Variants in KLF8 observed in about 807,000 individuals in gnomAD.
The protein encoded by KLF8 is Krueppel-like factor 8.
A neutral mutation model predicts 18.2 loss-of-function variants in KLF8; 10 were observed. The ratio of observed to expected loss-of-function variants is 0.55; its 90% confidence interval spans 0.34 to 0.93. The LOEUF is 0.93. Ranked by LOEUF, KLF8 falls within the 40% of genes least tolerant of loss-of-function variation. KLF8 has a pLI of 0.02. For synonymous variants in KLF8, 109 were observed against 97.3 expected (o/e 1.12, Z -0.71); for missense variants, 264 against 277.9 (o/e 0.95, Z 0.36).
chrX:56,073,996 C>A, the KLF8 span, among the ~76,000 whole-genome samples: 3 of 111,726 alleles, frequency 2.7e-5, no homozygotes, highest in African/African-American at 9.8e-5. Context: ...GGTTTGCCCA[C>A]CTTGGCCTCC....
At chrX:56,241,815 T>A (rs2066548416) in intron 1 of KLF8, among the ~76,000 whole-genome samples, 1 of 112,233 alleles carries the variant, frequency 8.9e-6, no homozygotes, top group Non-Finnish European at 1.9e-5. Flanking sequence ...CATATAAGAT[T>A]AATTATTGTC....
At chrX:56,201,725 G>A in the KLF8 span, among the ~76,000 whole-genome samples, 1 of 111,142 alleles carries the variant, frequency 9.0e-6, no homozygotes, top group African/African-American at 3.3e-5. Flanking sequence ...TCATTTAGTT[G>A]TATACATTAA....
the KLF8 span, among the ~76,000 whole-genome samples, chrX:56,117,705 C>G: frequency 8.9e-6 from 1 of 112,103 alleles, no homozygotes; most frequent in Non-Finnish European, 1.9e-5. Context: ...GATTAACTGT[C>G]TTTTAGTGTT....
chrX:56,027,255 G>A, the KLF8 span, among the ~76,000 whole-genome samples: 2 of 111,965 alleles, frequency 1.8e-5, no homozygotes, highest in Non-Finnish European at 3.8e-5. Flanking sequence ...TGTGACTGAT[G>A]CCCAGTAGGG....
the KLF8 span, among the ~76,000 whole-genome samples, chrX:56,041,694 G>A: frequency 9.1e-6 from 1 of 109,312 alleles, no homozygotes; most frequent in Non-Finnish European, 1.9e-5. Context: ...TGTTGTTGTT[G>A]TTGTTGTTGT....
At chrX:56,126,528 A>T in the KLF8 span, among the ~76,000 whole-genome samples, 18 of 110,980 alleles carry the variant, frequency 1.6e-4, no homozygotes, top group South Asian at 6.8e-3. Context: ...GGCTTCCCAT[A>T]TTATTCAAAC....
chrX:56,185,185 G>A, the KLF8 span, among the ~76,000 whole-genome samples: 17 of 112,112 alleles, frequency 1.5e-4, no homozygotes, highest in Middle Eastern at 4.6e-3. Context: ...TTAAAGCAGC[G>A]GATGGAGCTG....
intron 1 of KLF8, 84 bp downstream of exon 1, chrX:56,233,425 C>A (rs1343614976): frequency 5.4e-6 from 4 of 745,319 alleles, no homozygotes; most frequent in Admixed American, 2.2e-5. Flanking sequence ...CTGCTCCCCC[C>A]ACACACCCCA....
chrX:55,923,401 A>G, the KLF8 span, among the ~76,000 whole-genome samples: 1 of 110,802 alleles, frequency 9.0e-6, no homozygotes, highest in Non-Finnish European at 1.9e-5. Context: ...CTTAATACCT[A>G]GGTGATAGGA....
At chrX:56,039,828 C>A in the KLF8 span, among the ~76,000 whole-genome samples, 12 of 111,215 alleles carry the variant, frequency 1.1e-4, no homozygotes, top group Admixed American at 1.1e-3. Context: ...ATAGTGTGGC[C>A]ATTTTTATTA....
the KLF8 span, among the ~76,000 whole-genome samples, chrX:56,066,454 T>A: frequency 1.8e-5 from 2 of 111,710 alleles, no homozygotes; most frequent in Non-Finnish European, 3.8e-5. Context: ...GCAGCAGTAG[T>A]TTTGTTGCTT....
the KLF8 span, among the ~76,000 whole-genome samples, chrX:56,041,612 G>C: frequency 8.2e-5 from 9 of 109,847 alleles, no homozygotes; most frequent in East Asian, 2.3e-3. Context: ...GCTGCTCTTG[G>C]TTTTCTAGTT....
the KLF8 span, among the ~76,000 whole-genome samples, chrX:56,006,802 C>T: frequency 3.6e-4 from 41 of 112,457 alleles, no homozygotes; most frequent in Admixed American, 3.6e-3. Context: ...TCTCTTCAGT[C>T]TGTTGACTGT....
At chrX:56,255,967 CT>C (rs2066788572) in intron 2 of KLF8, among the ~76,000 whole-genome samples, 1 of 111,459 alleles carries the variant, frequency 9.0e-6, no homozygotes, top group Non-Finnish European at 1.9e-5. Flanking sequence ...GGTATGAGCT[CT>C]TCTTTAAATG....
the KLF8 span, among the ~76,000 whole-genome samples, chrX:55,944,095 G>T: frequency 9.0e-6 from 1 of 111,621 alleles, no homozygotes; most frequent in African/African-American, 3.3e-5. Flanking sequence ...TAATCATGTG[G>T]TTTTTGTCTT....
At chrX:56,061,986 C>CT in the KLF8 span, among the ~76,000 whole-genome samples, 606 of 57,018 alleles carry the variant, frequency 0.011, 44 homozygotes, top group African/African-American at 0.059. Context: ...GCAACCCCTG[C>CT]TTTTTTTTTT....
chrX:56,194,122 T>C, the KLF8 span, among the ~76,000 whole-genome samples: 1 of 110,631 alleles, frequency 9.0e-6, no homozygotes, highest in African/African-American at 3.3e-5. Flanking sequence ...TAGGAACAGC[T>C]CCAGGCTGCA....
the KLF8 span, among the ~76,000 whole-genome samples, chrX:56,149,481 C>T: frequency 9.0e-6 from 1 of 110,599 alleles, no homozygotes; most frequent in African/African-American, 3.3e-5. Flanking sequence ...CTATTGGGCA[C>T]TATGCTCACT....
At chrX:56,101,176 G>T in the KLF8 span, among the ~76,000 whole-genome samples, 7 of 111,741 alleles carry the variant, frequency 6.3e-5, no homozygotes, top group Non-Finnish European at 3.8e-5. Context: ...TTATGTGCAT[G>T]TGTACTCAAA....
Sources: allele counts gnomAD v4.1 joint callset (sites outside exome capture counted in the v4.1 genomes callset), GRCh38; gene constraint gnomAD v4.1.1; transcripts MANE v1.5; gene names NCBI Gene and HGNC (gene_info 2026-07-23, HGNC 2026-07-21).